Variants in GOLGA8J observed in about 807,000 individuals in gnomAD.
GOLGA8J encodes the protein golgin A8 family member J.
GOLGA8J carries 19 observed loss-of-function variants against 67.7 expected under a neutral mutation model. The observed-to-expected ratio is 0.28, with a 90% CI of 0.20 to 0.41. The LOEUF (loss-of-function observed/expected upper bound fraction) is 0.41, where lower values mean the gene tolerates loss of function less well. Ranked by LOEUF, GOLGA8J falls within the 10% of genes least tolerant of loss-of-function variation. GOLGA8J has a pLI of 1.00. For synonymous variants in GOLGA8J, 69 were observed against 215.9 expected, an observed-to-expected ratio of 0.32 and a Z score of 5.97; for missense variants, 205 against 584.3, an observed-to-expected ratio of 0.35 and a Z score of 6.69.
chr15:30,093,247 G>C lies in GOLGA8J; in HGVS notation c.1723+8G>C, dbSNP rs201706799. On this transcript the variant is annotated splice_region_variant and intron_variant, in intron 18 of 18. Coordinates refer to ENST00000567927, the MANE Select transcript of GOLGA8J (RefSeq NM_001282472.2). Reference sequence around the variant, plus strand: ...CTGCAGACAAGCATGGTCGTGAGTAGAGCCCTCAGGTGGGGTGGGCAGGCA... The same window carrying C: ...CTGCAGACAAGCATGGTCGTGAGTACAGCCCTCAGGTGGGGTGGGCAGGCA... 1.5e-5 allele frequency: 23 copies of C among 1,584,338 alleles called. 1 individual carries two copies. Among genetic ancestry groups the C allele is most frequent in the South Asian group, 2.2e-5 (2 of 89,450 alleles).
Position 30,095,458 on chromosome 15 carries a change from A to T in GOLGA8J, c.*1959A>T, listed in dbSNP as rs1355201645. On this transcript the variant is annotated 3_prime_UTR_variant, in exon 19 of 19. Transcript: ENST00000567927. ...CCCAGTTTCAGAATGATAAAGAAAA[A>T]ATTTAGACCAAATAATGCAGCTAAT... 6.8e-6 allele frequency among the ~76,000 whole-genome samples: 1 copy of T among 146,764 alleles called. No individual in the cohort carries two copies. The highest frequency in any genetic ancestry group is 2.6e-5 in the African/African-American group (1 of 38,786).
At chr15:30,085,373 C>T (rs1409839448) in intron 2 of GOLGA8J, among the ~76,000 whole-genome samples, 19 of 66,978 alleles carry the variant, frequency 2.8e-4, no homozygotes, top group Non-Finnish European at 4.2e-4. Context: ...TAGACCTCAT[C>T]GGGCCTCTCT....
chr15:30,090,120 C>T (rs1412155373), intron 12 of GOLGA8J, 92 bp from the exon 13 acceptor site: 2 of 911,094 alleles, frequency 2.2e-6, no homozygotes, highest in East Asian at 2.6e-5. Flanking sequence ...TTCTAACCTG[C>T]CTCCAGCCTT....
rs1470380737 is a variant in GOLGA8J, at chr15:30,096,232, C to A, written c.*2733C>A. Among the ~76,000 whole-genome samples, 3 of 149,210 alleles carry A rather than the reference C, an allele frequency of 2.0e-5. No individual in the cohort carries two copies. Among genetic ancestry groups the A allele is most frequent in the Admixed American group, 6.7e-5 (1 of 14,952 alleles). The stretch of plus-strand genomic sequence containing the variant: ...TTTAAAGATGGCAATATATAATAAT[C>A]ATTTTAAAAGTATTTGATTCAACCT... On this transcript the variant is annotated 3_prime_UTR_variant, in exon 19 of 19. Transcript: ENST00000567927.
In GOLGA8J at chr15:30,090,417, T is replaced by G; in HGVS notation, c.1200+137T>G. ...ACCACAGCACCCCCCAGGGCAGTCC[T>G]GTGACTGTTTCTTGCTTCCTGCCTC... is the stretch of plus-strand genomic sequence containing the variant. On this transcript the variant is annotated intron_variant, in intron 13 of 18. Coordinates refer to ENST00000567927, the MANE Select transcript of GOLGA8J (RefSeq NM_001282472.2). 3.3e-6 allele frequency: 5 copies of G among 1,522,484 alleles called. No individual in the cohort carries two copies. The South Asian group carries it at 5.9e-5, about 18-fold the overall frequency. 94.3% of individuals were successfully genotyped at this position (1,522,484 alleles called of 1,614,324 possible). A position where few individuals can be genotyped will look rare whatever the true frequency, so the allele number is the denominator to read the frequency against.
At chr15:30,090,498 C>G (rs879994244) in intron 13 of GOLGA8J, among the ~76,000 whole-genome samples, 3 of 147,652 alleles carry the variant, frequency 2.0e-5, no homozygotes, top group African/African-American at 7.8e-5. Flanking sequence ...ATCATCATCC[C>G]AGCTAGAGGC....
At chr15:30,090,686 C>CAAAAAAAAA (rs71270989) in intron 13 of GOLGA8J, among the ~76,000 whole-genome samples, 1 of 59,402 alleles carries the variant, frequency 1.7e-5, no homozygotes, top group Non-Finnish European at 3.2e-5. Context: ...ACTAAAATTA[C>CAAAAAAAAA]AAAAAAAAAA....
rs759153554 is a variant in GOLGA8J, at chr15:30,092,086, C to T, written c.1321C>T (p.Arg441Trp). The T allele has an allele frequency of 7.4e-5, 117 of 1,588,944 alleles. 3 individuals are homozygous for T. The highest frequency in any genetic ancestry group is 9.2e-5 in the Non-Finnish European group (108 of 1,170,480). The change falls in exon 15 of 19, where the codon CGG becomes TGG. Residue 441 changes from arginine to tryptophan, a missense_variant. Physicochemically the swap from Arg to Trp is moderately radical, Grantham distance 101 (BLOSUM62 -3). Transcript: ENST00000567927. ...HLDSEGEEAP[R>W]PMPSVPEDPE... The stretch of plus-strand genomic sequence containing the variant: ...GGACAGTGAGGGGGAGGAGGCACCT[C>T]GGCCCATGCCGAGTGTCCCAGAGGA...
At position 30,084,880 on chromosome 15, in the gene GOLGA8J, C is replaced by T. The variant is rs1485346221; in HGVS notation, c.158C>T (p.Pro53Leu). The T allele has an allele frequency of 6.7e-5, 98 of 1,467,130 alleles. 5 individuals are homozygous for T. Among genetic ancestry groups the T allele is most frequent in the Non-Finnish European group, 7.9e-5 (89 of 1,128,578 alleles). The allele number at this position is 1,467,130 out of a possible 1,614,324, so 90.9% of individuals were successfully genotyped here. The change falls in exon 2 of 19, where the codon CCA (proline) becomes CTA (leucine). Residue 53 changes from proline to leucine, a missense_variant. Transcript: ENST00000567927. ...PEKATSGGCQ[P>L]PRDSATGFHR... is the part of the protein sequence containing the mutation. ...AAAGCCACTTCTGGTGGTTGCCAGC[C>T]ACCTAGGGATGTGAGTCTTGGCTGA...
Position 30,092,024 on chromosome 15 carries a change from T to C in GOLGA8J, c.1277-18T>C. ...CCTTGTTGGGTTGTCTGAAGACCCG[T>C]CTGACCACCCCCCACAGGACACGGA... On this transcript the variant is annotated intron_variant, in intron 14 of 18. Transcript: ENST00000567927. 1 of 1,598,688 alleles carries C rather than the reference T, an allele frequency of 6.3e-7. No individual in the cohort carries two copies. The highest frequency in any genetic ancestry group is 8.5e-7 in the Non-Finnish European group (1 of 1,174,078).
rs1196058073 is a variant in GOLGA8J at position 30,085,007 on chromosome 15, G to A, written c.168+117G>A. ...GGTTAAGAATTCTGGCTTTAGCCGG[G>A]TGTGGTGGCCCACGCCTGTAATCCT... On this transcript the variant is annotated intron_variant, in intron 2 of 18. Coordinates refer to ENST00000567927, the MANE Select transcript of GOLGA8J (RefSeq NM_001282472.2). The A allele has an allele frequency of 7.2e-6, 7 of 973,656 alleles. No homozygotes were observed. The East Asian group carries it at 1.7e-4, about 24-fold the overall frequency. The allele number at this position is 973,656 out of a possible 1,614,324, so 60.3% of individuals were successfully genotyped here. A position where few individuals can be genotyped will look rare whatever the true frequency, so the allele number is the denominator to read the frequency against.
Position 30,094,083 on chromosome 15 carries a change from G to C in GOLGA8J, c.*584G>C, listed in dbSNP as rs1157993571. ...GGAAACAGCCTTTCCTCCATTTTCT[G>C]TGTGTTGGTGATGGGAGTGATAACC... On this transcript the variant is annotated 3_prime_UTR_variant, in exon 19 of 19. Coordinates refer to ENST00000567927, the MANE Select transcript of GOLGA8J (RefSeq NM_001282472.2). Among the ~76,000 whole-genome samples, 2 of 147,426 alleles carry C rather than the reference G, an allele frequency of 1.4e-5. 1 individual carries two copies. The highest frequency in any genetic ancestry group is 3.0e-5 in the Non-Finnish European group (2 of 67,602).
rs1420149345 is a variant in GOLGA8J, at chr15:30,095,215, TG to T, written c.*1717del. ...CAGGGAGATAGGTGTGTGTGCTCCCTGCGGTGGGGATTTCTAGTTACTAGAT... is the reference window on the plus strand; with the variant it reads ...CAGGGAGATAGGTGTGTGTGCTCCCTCGGTGGGGATTTCTAGTTACTAGAT... On this transcript the variant is annotated 3_prime_UTR_variant, in exon 19 of 19. Coordinates refer to ENST00000567927, the MANE Select transcript of GOLGA8J (RefSeq NM_001282472.2). Among the ~76,000 whole-genome samples the T allele has an allele frequency of 1.4e-5, 2 of 138,986 alleles. No individual in the cohort carries two copies. Among genetic ancestry groups the T allele is most frequent in the Admixed American group, 1.4e-4 (2 of 13,922 alleles). 91.2% of individuals were successfully genotyped at this position (138,986 alleles called of 152,430 possible). A position where few individuals can be genotyped will look rare whatever the true frequency, so the allele number is the denominator to read the frequency against.
Position 30,095,588 on chromosome 15 carries a change from T to C in GOLGA8J, c.*2089T>C, listed in dbSNP as rs71253105. 0.11 allele frequency among the ~76,000 whole-genome samples: 12,446 copies of C among 114,038 alleles called. 1,685 individuals are homozygous for C. Among genetic ancestry groups the C allele is most frequent in the African/African-American group, 0.32 (8,177 of 25,610 alleles). The allele number at this position is 114,038 out of a possible 152,430, so 74.8% of individuals were successfully genotyped here. ...CGCTTTTGCATTCTTTGAGTTCAGTTTAAAGACAGTTACTTTAAGAGCATT... is the reference window on the plus strand; with the variant it reads ...CGCTTTTGCATTCTTTGAGTTCAGTCTAAAGACAGTTACTTTAAGAGCATT... On this transcript the variant is annotated 3_prime_UTR_variant, in exon 19 of 19. Transcript: ENST00000567927.
In GOLGA8J at chr15:30,094,757, T is replaced by C. The variant is rs1181036869; in HGVS notation, c.*1258T>C. ...TTTGAATGGAAAACACTTTAAAAAA[T>C]AATAGAAACATTATTATAAACTAAT... is the stretch of plus-strand genomic sequence containing the variant. On this transcript the variant is annotated 3_prime_UTR_variant, in exon 19 of 19. Coordinates refer to ENST00000567927, the MANE Select transcript of GOLGA8J (RefSeq NM_001282472.2). Among the ~76,000 whole-genome samples the C allele has an allele frequency of 6.2e-5, 8 of 129,228 alleles. 2 individuals carry two copies. Among genetic ancestry groups the C allele is most frequent in the Admixed American group, 3.5e-4 (5 of 14,288 alleles). 84.8% of individuals were successfully genotyped at this position (129,228 alleles called of 152,430 possible).
At position 30,093,171 on chromosome 15, in the gene GOLGA8J, A is replaced by G; in HGVS notation, c.1655A>G (p.Asn552Ser). ...AGAAAATTCCTGGCCGCTGCCCACAACTCTGCTGATGAGCCCGGTCCAGGA... is the reference window on the plus strand; with the variant it reads ...AGAAAATTCCTGGCCGCTGCCCACAGCTCTGCTGATGAGCCCGGTCCAGGA... ...GHRKFLAAAHNSADEPGPGAP... is the reference protein window; with the variant it reads ...GHRKFLAAAHSSADEPGPGAP... Residue 552 changes from asparagine to serine, a missense_variant, in exon 18 of 19, where the codon AAC (asparagine) becomes AGC (serine). Transcript: ENST00000567927. The G allele has an allele frequency of 6.5e-7, 1 of 1,530,760 alleles. No homozygotes were observed. The highest frequency in any genetic ancestry group is 2.5e-5 in the East Asian group (1 of 40,660). The allele number at this position is 1,530,760 out of a possible 1,614,324, so 94.8% of individuals were successfully genotyped here.
chr15:30,094,314 A>G lies in GOLGA8J; in HGVS notation c.*815A>G, dbSNP rs1472498597. Among the ~76,000 whole-genome samples the G allele has an allele frequency of 1.4e-5, 2 of 147,660 alleles. No individual in the cohort carries two copies. Among genetic ancestry groups the G allele is most frequent in the African/African-American group, 5.2e-5 (2 of 38,368 alleles). ...TTGTACTCTTTTTCGATGACCTAAA[A>G]AGGGCTTATTTCTGAGGAATGAAAG... On this transcript the variant is annotated 3_prime_UTR_variant, in exon 19 of 19. Transcript: ENST00000567927.
rs963099312 is a variant in GOLGA8J, at chr15:30,095,026, T to C, written c.*1527T>C. On this transcript the variant is annotated 3_prime_UTR_variant, in exon 19 of 19. Transcript: ENST00000567927. ...CCTCTGGGTTTCTGTTCGGGACATA[T>C]TTTGTGCAATATTTATGTGATTGTG... Among the ~76,000 whole-genome samples the C allele has an allele frequency of 1.1e-4, 16 of 146,510 alleles. 1 individual carries two copies. Among genetic ancestry groups the C allele is most frequent in the Admixed American group, 1.3e-4 (2 of 14,894 alleles).
intron 14 of GOLGA8J, 64 bp from the exon 15 acceptor site, chr15:30,091,978 G>A: frequency 3.8e-6 from 6 of 1,559,522 alleles, no homozygotes; most frequent in African/African-American, 2.7e-5. Flanking sequence ...GGTGGAGGTA[G>A]AGGTGGGCCC....
Sources: allele counts gnomAD v4.1 joint callset (sites outside exome capture counted in the v4.1 genomes callset), GRCh38; gene constraint gnomAD v4.1.1; transcripts MANE v1.5; gene names NCBI Gene and HGNC (gene_info 2026-07-23, HGNC 2026-07-21).